MYO18B: variants seen among roughly 807,000 people sequenced by gnomAD.
MYO18B encodes myosin XVIIIB.
A neutral mutation model predicts 273.0 loss-of-function variants in MYO18B; 204 were observed. That is an observed-to-expected ratio of 0.75 (90% confidence interval 0.67 to 0.84). The LOEUF is 0.84. MYO18B is among the 40% of genes least tolerant of loss of function. The pLI is 0.00. For missense variants in MYO18B, 3,212 were observed against 3,287.6 expected (o/e 0.98, Z 0.56); for synonymous variants, 1,330 against 1,305.7 (o/e 1.02, Z -0.40).
chr22:25,760,427 A>AC (rs1568976364), intron 1 of MYO18B, among the ~76,000 whole-genome samples: 4 of 149,926 alleles, frequency 2.7e-5, no homozygotes, highest in African/African-American at 9.9e-5. Context: ...AAAAAAAAAA[A>AC]AAAAAAACAC....
chr22:25,839,670 G>C (rs1004491018), intron 17 of MYO18B, among the ~76,000 whole-genome samples: 1 of 152,180 alleles, frequency 6.6e-6, no homozygotes, highest in African/African-American at 2.4e-5. Context: ...TCGGACTTGT[G>C]ACTTTCCGGG....
In MYO18B at chr22:25,760,867, CTG is replaced by C. The variant is rs1321091042; in HGVS notation, c.-109-114_-109-113del. ...GGTAGCTGACAGTGTCTGTACCTGA[CTG>C]TGCCCATTCCCCCATGTGGTCTTGG... On this transcript the variant is annotated intron_variant, in intron 1 of 43. Coordinates refer to ENST00000335473, the MANE Select transcript of MYO18B (RefSeq NM_032608.7). 6.5e-5 allele frequency: 39 copies of C among 599,516 alleles called. No homozygotes were observed. The East Asian group carries it at 1.1e-3, about 17-fold the overall frequency. 37.1% of individuals were successfully genotyped at this position (599,516 alleles called of 1,614,324 possible).
At chr22:25,901,943 G>T (rs1333877245) in intron 29 of MYO18B, among the ~76,000 whole-genome samples, 1 of 151,588 alleles carries the variant, frequency 6.6e-6, no homozygotes, top group Non-Finnish European at 1.5e-5. Flanking sequence ...CTCCAGAGTA[G>T]CTGGGATTAC....
intron 39 of MYO18B, among the ~76,000 whole-genome samples, chr22:25,984,473 C>A (rs1003040043): frequency 3.3e-5 from 5 of 152,120 alleles, no homozygotes; most frequent in African/African-American, 1.2e-4. Context: ...AATACCATTT[C>A]TAGGAGGATT....
chr22:25,968,903 G>A (rs897622869), intron 39 of MYO18B, among the ~76,000 whole-genome samples: 1 of 152,200 alleles, frequency 6.6e-6, no homozygotes, highest in African/African-American at 2.4e-5. Flanking sequence ...TCAAATGGCT[G>A]ATAGTCATGG....
chr22:25,924,818 A>G (rs569577439), intron 34 of MYO18B, among the ~76,000 whole-genome samples: 2 of 152,306 alleles, frequency 1.3e-5, no homozygotes, highest in African/African-American at 4.8e-5. Flanking sequence ...GGCCAGAGGA[A>G]ATGGTCACCT....
chr22:26,016,595 C>A (rs1601839136), intron 42 of MYO18B, among the ~76,000 whole-genome samples: 1 of 152,200 alleles, frequency 6.6e-6, no homozygotes, highest in Non-Finnish European at 1.5e-5. Context: ...GGTGAGGCAG[C>A]CCTTTGCACA....
At chr22:25,868,674 G>A (rs1344203572) in intron 22 of MYO18B, among the ~76,000 whole-genome samples, 1 of 152,172 alleles carries the variant, frequency 6.6e-6, no homozygotes, top group Non-Finnish European at 1.5e-5. Flanking sequence ...ATGACCTTCT[G>A]AGTCTCAGAA....
At chr22:25,877,756 C>G (rs1004545668) in intron 24 of MYO18B, among the ~76,000 whole-genome samples, 1 of 152,218 alleles carries the variant, frequency 6.6e-6, no homozygotes, top group Non-Finnish European at 1.5e-5. Flanking sequence ...GTGTGAGCCA[C>G]TGTGCCCAGC....
At position 25,992,871 on chromosome 22, in the gene MYO18B, T is replaced by C. The variant is rs141688165; in HGVS notation, c.6287+378T>C. 4.4e-3 allele frequency among the ~76,000 whole-genome samples: 674 copies of C among 152,346 alleles called. 4 individuals carry two copies. Among genetic ancestry groups the C allele is most frequent in the African/African-American group, 0.015 (644 of 41,580 alleles). ...TGCCAAGATTGGACTATTTTTGACC[T>C]ACAGACTGGAAGTTTCATATATTCA... is the stretch of plus-strand genomic sequence containing the variant. On this transcript the variant is annotated intron_variant, in intron 40 of 43. Transcript: ENST00000335473.
At chr22:26,033,920 CCTTT>C (rs1030978721), downstream of MYO18B, among the ~76,000 whole-genome samples, 5 of 145,616 alleles carry the variant, frequency 3.4e-5, no homozygotes, top group Admixed American at 7.0e-5. Flanking sequence ...TTCCTTCTTT[CCTTT>C]CTTTCTTTCC....
chr22:25,931,672 T>A (rs75354647), intron 34 of MYO18B, among the ~76,000 whole-genome samples: 1 of 149,428 alleles, frequency 6.7e-6, no homozygotes, highest in Non-Finnish European at 1.5e-5. Context: ...TTCTTTTTTT[T>A]TCTTTTTTCT....
intron 21 of MYO18B, among the ~76,000 whole-genome samples, chr22:25,857,808 C>G (rs1601374322): frequency 6.6e-6 from 1 of 152,218 alleles, no homozygotes; most frequent in Non-Finnish European, 1.5e-5. Flanking sequence ...CATGCGCCAC[C>G]ACGCCAGGCT....
At chr22:25,841,919 C>T (rs574006196) in intron 17 of MYO18B, among the ~76,000 whole-genome samples, 1 of 152,360 alleles carries the variant, frequency 6.6e-6, no homozygotes, top group South Asian at 2.1e-4. Context: ...ACCTTACTCC[C>T]TGTGGGTGCT....
At chr22:25,827,028 C>T (rs2089519039) in intron 14 of MYO18B, among the ~76,000 whole-genome samples, 1 of 152,192 alleles carries the variant, frequency 6.6e-6, no homozygotes, top group Non-Finnish European at 1.5e-5. Context: ...CGCCACCACA[C>T]TCTAGCCTGG....
chr22:26,000,173 C>T (rs1307721304), intron 40 of MYO18B, among the ~76,000 whole-genome samples: 1 of 152,238 alleles, frequency 6.6e-6, no homozygotes. Context: ...ATGGACTTGC[C>T]TTGTGGAGCT....
At chr22:25,961,160 T>A (rs1347056963) in intron 39 of MYO18B, among the ~76,000 whole-genome samples, 1 of 151,356 alleles carries the variant, frequency 6.6e-6, no homozygotes, top group Non-Finnish European at 1.5e-5. Flanking sequence ...AGTTCAAGAT[T>A]ACGGTGAACT....
At chr22:25,952,265 A>G in intron 37 of MYO18B, 21 bp from the exon 38 acceptor site, 2 of 1,605,124 alleles carry the variant, frequency 1.2e-6, no homozygotes, top group Non-Finnish European at 1.7e-6. Context: ...GATGTCCAAT[A>G]GACTTCTCTC....
chr22:25,783,363 G>A (rs1193815584), intron 10 of MYO18B, among the ~76,000 whole-genome samples: 2 of 152,228 alleles, frequency 1.3e-5, no homozygotes, highest in African/African-American at 4.8e-5. Flanking sequence ...AAGGCAGCAG[G>A]GGCCATGTGC....
Sources: allele counts gnomAD v4.1 joint callset (sites outside exome capture counted in the v4.1 genomes callset), GRCh38; gene constraint gnomAD v4.1.1; transcripts MANE v1.5; gene names NCBI Gene and HGNC (gene_info 2026-07-23, HGNC 2026-07-21).